CDC16: variants seen among roughly 807,000 people sequenced by gnomAD.
CDC16 encodes cell division cycle protein 16 homolog.
CDC16 carries 34 observed loss-of-function variants against 87.0 expected under a neutral mutation model. The ratio of observed to expected loss-of-function variants is 0.39; its 90% CI spans 0.30 to 0.52. CDC16 has a LOEUF of 0.52. Ranked by LOEUF, CDC16 falls within the 20% of genes least tolerant of loss-of-function variation. The pLI, the probability that CDC16 is intolerant of heterozygous loss-of-function variation, is 0.74. For synonymous variants in CDC16, 263 were observed against 260.6 expected, an observed-to-expected ratio of 1.01 and a Z score of -0.09; for missense variants, 653 against 751.9, an observed-to-expected ratio of 0.87 and a Z score of 1.54.
At chr13:114,244,229 C>T (rs2081721970) in intron 8 of CDC16, among the ~76,000 whole-genome samples, 1 of 152,184 alleles carries the variant, frequency 6.6e-6, no homozygotes, top group Non-Finnish European at 1.5e-5. Context: ...TCTTACTGAT[C>T]TTGATAATTT....
chr13:114,238,337 G>T (rs978969781), intron 3 of CDC16, among the ~76,000 whole-genome samples: 1 of 147,122 alleles, frequency 6.8e-6, no homozygotes, highest in Non-Finnish European at 1.5e-5. Flanking sequence ...AAGTGGAGCT[G>T]CTGCGATCTC....
At chr13:114,254,700 C>T (rs967213993) in intron 12 of CDC16, among the ~76,000 whole-genome samples, 7 of 152,172 alleles carry the variant, frequency 4.6e-5, no homozygotes, top group African/African-American at 1.2e-4. Context: ...CTCATTTCTT[C>T]GTGTTGTAAA....
chr13:114,269,850 G>T (rs572769537), intron 17 of CDC16, among the ~76,000 whole-genome samples: 2 of 152,082 alleles, frequency 1.3e-5, no homozygotes, highest in Non-Finnish European at 2.9e-5. Flanking sequence ...GATTACAGGC[G>T]CATGCCACCA....
chr13:114,271,625 C>T (rs986262055), intron 17 of CDC16, among the ~76,000 whole-genome samples: 16 of 151,978 alleles, frequency 1.1e-4, no homozygotes, highest in Non-Finnish European at 1.5e-4. Context: ...CAGGCACCCG[C>T]CACCATGCCC....
At chr13:114,263,317 G>T (rs927500309) in intron 16 of CDC16, among the ~76,000 whole-genome samples, 3 of 152,140 alleles carry the variant, frequency 2.0e-5, no homozygotes, top group Non-Finnish European at 4.4e-5. Flanking sequence ...TTGGGAACTC[G>T]CAGTCTTTCT....
rs147568722 is a variant in CDC16, at chr13:114,257,817, C to T, written c.1250+587C>T. 1.0e-2 allele frequency among the ~76,000 whole-genome samples: 1,514 copies of T among 152,120 alleles called. 23 individuals carry two copies. The highest frequency in any genetic ancestry group is 0.034 in the African/African-American group (1,408 of 41,490). On this transcript the variant is annotated intron_variant, in intron 13 of 17. Coordinates refer to ENST00000356221, the MANE Select transcript of CDC16 (RefSeq NM_001078645.3). ...TTTTTGTTTTTTTGAGATGGAGTCTCGCTGTGTTGCCCAGGCTAGAGTGCA... is the reference window on the plus strand; with the variant it reads ...TTTTTGTTTTTTTGAGATGGAGTCTTGCTGTGTTGCCCAGGCTAGAGTGCA...
At chr13:114,258,582 A>T (rs1195579460) in intron 13 of CDC16, among the ~76,000 whole-genome samples, 1 of 152,228 alleles carries the variant, frequency 6.6e-6, no homozygotes, top group Non-Finnish European at 1.5e-5. Flanking sequence ...TCATTCAAGC[A>T]GGCATCAGTA....
At chr13:114,270,664 T>C (rs142195182) in intron 17 of CDC16, among the ~76,000 whole-genome samples, 1 of 152,312 alleles carries the variant, frequency 6.6e-6, no homozygotes, top group African/African-American at 2.4e-5. Context: ...AGCCATGTGC[T>C]TAAGGGGATT....
chr13:114,235,156 C>T, intron 1 of CDC16, 24 bp downstream of exon 1: 1 of 1,237,148 alleles, frequency 8.1e-7, no homozygotes, highest in Non-Finnish European at 1.0e-6. Flanking sequence ...ACTCGGGGTG[C>T]GGGGCCCAGG....
chr13:114,239,381 A>T lies in CDC16; in HGVS notation c.272A>T (p.Asp91Val). 1 of 1,611,350 alleles carries T rather than the reference A, an allele frequency of 6.2e-7. No homozygotes were observed. Among genetic ancestry groups the T allele is most frequent in the Non-Finnish European group, 8.5e-7 (1 of 1,177,672 alleles). Residue 91 changes from aspartate to valine, a missense_variant, in exon 5 of 18, where the codon GAT (aspartate) becomes GTT (valine). Coordinates refer to ENST00000356221, the MANE Select transcript of CDC16 (RefSeq NM_001078645.3). ...GCAAAAGAGCACCAGCAGGCCCTTG[A>T]TGTTCTTGACATGGAAGAGCCCATC... ...YAAKEHQQAL[D>V]VLDMEEPINK...
At position 114,257,273 on chromosome 13, in the gene CDC16, T is replaced by G. The variant is rs765773019; in HGVS notation, c.1250+43T>G. On this transcript the variant is annotated intron_variant, in intron 13 of 17. Transcript: ENST00000356221. ...AGAAACCCTTCTGTTAACTAGTGAT[T>G]GTAAATACAGTAGGTGATCACTAGA... is the stretch of plus-strand genomic sequence containing the variant. The G allele has an allele frequency of 2.0e-5, 29 of 1,450,428 alleles. No individual in the cohort carries two copies. In the East Asian group the frequency reaches 6.9e-4, roughly 34 times the overall value. 89.8% of individuals were successfully genotyped at this position (1,450,428 alleles called of 1,614,324 possible).
intron 11 of CDC16, among the ~76,000 whole-genome samples, chr13:114,248,548 G>T (rs191066174): frequency 6.6e-6 from 1 of 152,256 alleles, no homozygotes; most frequent in Admixed American, 6.5e-5. Context: ...GGACATGGTG[G>T]CATGCACCTG....
intron 3 of CDC16, among the ~76,000 whole-genome samples, chr13:114,237,222 CAA>C (rs57236351): frequency 4.4e-5 from 6 of 135,398 alleles, no homozygotes; most frequent in Admixed American, 7.3e-5. Flanking sequence ...GACTCTGTCT[CAA>C]AAAAAAAAAA....
intron 1 of CDC16, among the ~76,000 whole-genome samples, chr13:114,235,788 G>A (rs1227091525): frequency 1.3e-5 from 2 of 152,182 alleles, no homozygotes; most frequent in Non-Finnish European, 2.9e-5. Context: ...GCTAACTGAC[G>A]TGGCCAAATG....
intron 11 of CDC16, among the ~76,000 whole-genome samples, chr13:114,250,169 A>G (rs1318215904): frequency 6.6e-6 from 1 of 151,808 alleles, no homozygotes; most frequent in Non-Finnish European, 1.5e-5. Flanking sequence ...GCCTCCAGCG[A>G]CAGAGCAAAA....
intron 5 of CDC16, 110 bp from the exon 6 acceptor site, chr13:114,242,011 C>G: frequency 7.8e-7 from 1 of 1,278,736 alleles, no homozygotes; most frequent in Non-Finnish European, 1.1e-6. Context: ...ATGATCGCAC[C>G]ACTGAACTCC....
rs2083751825 is a variant in CDC16, at chr13:114,272,464, C to G, written c.*21C>G. Reference sequence around the variant, plus strand: ...CGTGACTCCAGTCAGTGGTCCTGGTCCCACTGTCCCAGTGTAGGTTAGTAT... The same window carrying G: ...CGTGACTCCAGTCAGTGGTCCTGGTGCCACTGTCCCAGTGTAGGTTAGTAT... On this transcript the variant is annotated 3_prime_UTR_variant, in exon 18 of 18. Transcript: ENST00000356221. The G allele has an allele frequency of 1.2e-6, 2 of 1,606,138 alleles. No homozygotes were observed. Among genetic ancestry groups the G allele is most frequent in the East Asian group, 4.5e-5 (2 of 44,832 alleles).
intron 6 of CDC16, 112 bp downstream of exon 6, chr13:114,242,392 AC>A (rs2081596795): frequency 1.1e-6 from 1 of 912,622 alleles, no homozygotes; most frequent in African/African-American, 1.7e-5. Context: ...GTTTAAATAG[AC>A]CTACTCACTT....
intron 17 of CDC16, among the ~76,000 whole-genome samples, chr13:114,268,840 C>T (rs1205212312): frequency 1.3e-5 from 2 of 152,020 alleles, no homozygotes; most frequent in African/African-American, 2.4e-5. Context: ...TAAATAAAAC[C>T]TTAGTGAGAA....
Sources: gnomAD v4.1 joint callset for allele counts (sites outside exome capture counted in the v4.1 genomes callset) on GRCh38, gnomAD v4.1.1 for gene constraint, MANE v1.5 for transcripts, NCBI Gene and HGNC (gene_info 2026-07-23, HGNC 2026-07-21) for gene names.